The following WDSUB1 variants were observed in gnomAD, a reference collection of about 807,000 sequenced individuals.
The protein encoded by WDSUB1 is WD repeat, sterile alpha motif and U-box domain containing 1.
WDSUB1 carries 49 observed loss-of-function variants against 53.9 expected under a neutral mutation model. That is an observed-to-expected ratio of 0.91 (90% CI 0.72 to 1.15). The LOEUF is 1.15. Ranked by LOEUF, WDSUB1 falls within the 50% of genes most tolerant of loss-of-function variation. WDSUB1 has a pLI of 0.00. For missense variants in WDSUB1, 514 were observed against 562.0 expected (o/e 0.91, Z 0.86); for synonymous variants, 194 against 200.6 (o/e 0.97, Z 0.28).
At chr2:159,278,752 TA>T (rs920803640) in intron 3 of WDSUB1, among the ~76,000 whole-genome samples, 1 of 152,054 alleles carries the variant, frequency 6.6e-6, no homozygotes, top group Non-Finnish European at 1.5e-5. Flanking sequence ...AATTTGAGAT[TA>T]GGGGGAAGCA....
At chr2:159,255,142 C>T (rs1268673919) in intron 9 of WDSUB1, among the ~76,000 whole-genome samples, 1 of 151,400 alleles carries the variant, frequency 6.6e-6, no homozygotes, top group Non-Finnish European at 1.5e-5. Flanking sequence ...CTTCCCCCAC[C>T]CTGCCACCCC....
At chr2:159,269,927 C>T (rs2061415600) in intron 5 of WDSUB1, among the ~76,000 whole-genome samples, 1 of 152,154 alleles carries the variant, frequency 6.6e-6, no homozygotes, top group South Asian at 2.1e-4. Context: ...AAAGCTTTCC[C>T]TCTGCAGTGA....
At chr2:159,259,976 C>T in intron 5 of WDSUB1, 133 bp from the exon 6 acceptor site, 1 of 1,019,610 alleles carries the variant, frequency 9.8e-7, no homozygotes, top group South Asian at 1.9e-5. Context: ...AGAATGCAAT[C>T]CTTTTGTTCA....
chr2:159,276,460 T>A (rs1575490820), intron 3 of WDSUB1, among the ~76,000 whole-genome samples: 1 of 152,332 alleles, frequency 6.6e-6, no homozygotes, highest in African/African-American at 2.4e-5. Context: ...GCTGGAATTA[T>A]AGAAATCAAA....
At chr2:159,272,612 T>C (rs2061465870) in intron 4 of WDSUB1, among the ~76,000 whole-genome samples, 1 of 152,196 alleles carries the variant, frequency 6.6e-6, no homozygotes, top group Non-Finnish European at 1.5e-5. Context: ...ACTTTTAAAC[T>C]ATACCACAAT....
chr2:159,239,126 CA>C (rs2060571380), intron 10 of WDSUB1, among the ~76,000 whole-genome samples: 1 of 152,108 alleles, frequency 6.6e-6, no homozygotes, highest in Admixed American at 6.6e-5. Flanking sequence ...CTCATCCTCC[CA>C]AGTAGCTGGG....
chr2:159,259,765 T>A, intron 6 of WDSUB1, 45 bp downstream of exon 6: 1 of 1,488,596 alleles, frequency 6.7e-7, no homozygotes. Flanking sequence ...AGTAGTCTAA[T>A]AAACATAACT....
intron 1 of WDSUB1, among the ~76,000 whole-genome samples, chr2:159,285,058 T>C (rs1224162346): frequency 2.0e-5 from 3 of 152,214 alleles, no homozygotes; most frequent in South Asian, 2.1e-4. Context: ...ATTTGTTAAA[T>C]TGTCTCCTCC....
intron 10 of WDSUB1, among the ~76,000 whole-genome samples, chr2:159,247,942 T>TATAA (rs2060854616): frequency 1.2e-5 from 1 of 86,282 alleles, no homozygotes; most frequent in South Asian, 3.2e-4. Context: ...TATATATATA[T>TATAA]AAAATTTGGA....
intron 3 of WDSUB1, among the ~76,000 whole-genome samples, chr2:159,276,222 C>T (rs1267996074): frequency 1.3e-5 from 2 of 152,168 alleles, no homozygotes; most frequent in African/African-American, 2.4e-5. Context: ...CCACCACACC[C>T]GGCTAATTTC....
intron 5 of WDSUB1, among the ~76,000 whole-genome samples, chr2:159,270,632 T>C (rs1051528253): frequency 1.3e-5 from 2 of 152,126 alleles, no homozygotes; most frequent in African/African-American, 4.8e-5. Context: ...GATATTCACG[T>C]AGAAAGGAAT....
chr2:159,266,836 C>T (rs1025605753), intron 5 of WDSUB1, among the ~76,000 whole-genome samples: 2 of 152,018 alleles, frequency 1.3e-5, no homozygotes, highest in African/African-American at 2.4e-5. Flanking sequence ...TTTAGTGGCA[C>T]GATTGTGGCT....
intron 10 of WDSUB1, among the ~76,000 whole-genome samples, chr2:159,239,271 C>T (rs1272573814): frequency 7.4e-6 from 1 of 135,714 alleles, no homozygotes; most frequent in African/African-American, 3.3e-5. Context: ...TCCCAAAGTG[C>T]TGGGTTTACA....
chr2:159,254,772 A>T (rs991827088), intron 9 of WDSUB1, among the ~76,000 whole-genome samples: 2 of 152,116 alleles, frequency 1.3e-5, no homozygotes, highest in Non-Finnish European at 2.9e-5. Flanking sequence ...AGTTTTTTTT[A>T]AAAACAAAGC....
chr2:159,262,445 T>C (rs1004386084), intron 5 of WDSUB1, among the ~76,000 whole-genome samples: 9 of 151,852 alleles, frequency 5.9e-5, no homozygotes, highest in Non-Finnish European at 1.3e-4. Flanking sequence ...CACTTGCTGA[T>C]GAGGTATAAA....
rs553327855 is a variant in WDSUB1 at position 159,237,445 on chromosome 2, C to T, written c.1274-1255G>A. 1.9e-3 allele frequency among the ~76,000 whole-genome samples: 288 copies of T among 151,920 alleles called. 3 individuals carry two copies. The highest frequency in any genetic ancestry group is 3.9e-4 in the Admixed American group (6 of 15,254). ...CTGAGGCAGGAGAATCACTTGAGCCCGCGAGACAGAGGTTGCAGTGAGCTG... is the reference window on the plus strand; with the variant it reads ...CTGAGGCAGGAGAATCACTTGAGCCTGCGAGACAGAGGTTGCAGTGAGCTG... On this transcript the variant is annotated intron_variant, in intron 10 of 10. Transcript: ENST00000359774.
chr2:159,250,034 A>T (rs7559291), intron 9 of WDSUB1, among the ~76,000 whole-genome samples: 5,975 of 146,890 alleles, frequency 0.041, 380 homozygotes, highest in African/African-American at 0.14. Context: ...GGTTGCAGTG[A>T]GCTGAGATGG....
chr2:159,244,271 ATTAC>A (rs1279529249), intron 10 of WDSUB1, among the ~76,000 whole-genome samples: 2 of 152,134 alleles, frequency 1.3e-5, no homozygotes, highest in African/African-American at 2.4e-5. Context: ...AAAGAAAGAA[ATTAC>A]TTACATGACA....
intron 5 of WDSUB1, among the ~76,000 whole-genome samples, chr2:159,262,759 TTACA>T (rs2061253839): frequency 6.6e-6 from 1 of 152,164 alleles, no homozygotes; most frequent in Non-Finnish European, 1.5e-5. Context: ...AAAAGCCAAC[TTACA>T]TAGACACAAA....
Sources: gnomAD v4.1 joint callset for allele counts (sites outside exome capture counted in the v4.1 genomes callset) on GRCh38, gnomAD v4.1.1 for gene constraint, MANE v1.5 for transcripts, NCBI Gene and HGNC (gene_info 2026-07-23, HGNC 2026-07-21) for gene names.